Variants in GALNT18 observed in about 807,000 individuals in gnomAD.
GALNT18 encodes GalNAc-transferase 18.
GALNT18 carries 44 observed loss-of-function variants against 69.5 expected under a neutral mutation model. The observed-to-expected ratio is 0.63, with a 90% CI of 0.50 to 0.81. The LOEUF is 0.81. Among genes scored for constraint, GALNT18 ranks in the 40% least tolerant of loss-of-function variants. The probability of loss-of-function intolerance (pLI) is 0.00; values close to 1 mark genes in which losing one functional copy is unlikely to be tolerated. For synonymous variants in GALNT18, 364 were observed against 318.2 expected (o/e 1.14, Z -1.53); for missense variants, 715 against 810.0 (o/e 0.88, Z 1.42).
chr11:11,333,320 G>A (rs986597602), intron 7 of GALNT18, among the ~76,000 whole-genome samples: 3 of 152,050 alleles, frequency 2.0e-5, no homozygotes, highest in African/African-American at 7.2e-5. Context: ...AAAGTGCTAG[G>A]CTGTATTCTG....
At position 11,592,178 on chromosome 11, in the gene GALNT18, T is replaced by G. The variant is rs544859107; in HGVS notation, c.235+29181A>C. 2.0e-5 allele frequency among the ~76,000 whole-genome samples: 3 copies of G among 152,270 alleles called. No homozygotes were observed. The East Asian group carries it at 5.8e-4, about 29-fold the overall frequency. The stretch of plus-strand genomic sequence containing the variant: ...GGAGATTCCTATTTCTCTAAGCAAG[T>G]CCCTAGAAACATCATCAATCTGTCT... On this transcript the variant is annotated intron_variant, in intron 1 of 10. Coordinates refer to ENST00000227756, the MANE Select transcript of GALNT18 (RefSeq NM_198516.3). This position sits in a 1 kb window ranked among gnomAD's most constrained non-coding sequence, Gnocchi z 5.9.
intron 10 of GALNT18, among the ~76,000 whole-genome samples, chr11:11,282,812 T>A (rs1849110902): frequency 6.6e-6 from 1 of 152,168 alleles, no homozygotes; most frequent in Non-Finnish European, 1.5e-5. Context: ...TATCAGTGAC[T>A]AAACAGAAAA....
chr11:11,514,153 A>C (rs4641464), intron 1 of GALNT18, among the ~76,000 whole-genome samples: 89 of 152,174 alleles, frequency 5.8e-4, no homozygotes, highest in Middle Eastern at 3.4e-3. Flanking sequence ...ACATCACAGA[A>C]GAGGAAACTG....
rs1187320373 is a variant in GALNT18 at position 11,341,704 on chromosome 11, T to TGACC, written c.1093-704_1093-701dup. Among the ~76,000 whole-genome samples the TGACC allele has an allele frequency of 6.6e-6, 1 of 152,232 alleles. No homozygotes were observed. The highest frequency in any genetic ancestry group is 1.5e-5 in the Non-Finnish European group (1 of 68,038). ...CTCGCTACAATCTTTCCAGCCATCCTGACCTTTCAATGTTCCTGAACTTGC... is the reference window on the plus strand; with the variant it reads ...CTCGCTACAATCTTTCCAGCCATCCTGACCGACCTTTCAATGTTCCTGAACTTGC... On this transcript the variant is annotated intron_variant, in intron 6 of 10. Transcript: ENST00000227756. The surrounding 1 kb of genome is among the most constrained non-coding windows in gnomAD (Gnocchi z 6.3).
intron 3 of GALNT18, among the ~76,000 whole-genome samples, chr11:11,406,330 A>G (rs1397357809): frequency 3.3e-5 from 5 of 152,210 alleles, no homozygotes; most frequent in African/African-American, 1.2e-4. Context: ...GTCTGTTGTA[A>G]TGACTCAGCT....
intron 6 of GALNT18, among the ~76,000 whole-genome samples, chr11:11,363,069 T>C (rs764434136): frequency 6.6e-6 from 1 of 152,172 alleles, no homozygotes; most frequent in Non-Finnish European, 1.5e-5. Flanking sequence ...CTACCATTTA[T>C]CTAAGAAAGG....
chr11:11,374,215 G>A (rs10831606), intron 5 of GALNT18, among the ~76,000 whole-genome samples: 102,343 of 151,892 alleles, frequency 0.67, 34,995 homozygotes, highest in Middle Eastern at 0.85. Flanking sequence ...CTTCGAGGTA[G>A]TCTCTCTGGG....
At position 11,314,248 on chromosome 11, in the gene GALNT18, A is replaced by G. The variant is rs1849715400; in HGVS notation, c.1512+12838T>C. Among the ~76,000 whole-genome samples the G allele has an allele frequency of 6.6e-6, 1 of 152,170 alleles. No individual in the cohort carries two copies. Among genetic ancestry groups the G allele is most frequent in the African/African-American group, 2.4e-5 (1 of 41,446 alleles). On this transcript the variant is annotated intron_variant, in intron 9 of 10. Coordinates refer to ENST00000227756, the MANE Select transcript of GALNT18 (RefSeq NM_198516.3). The surrounding 1 kb of genome is among the most constrained non-coding windows in gnomAD (Gnocchi z 5.2). ...AACATTGGTCCACTGTGGAGCTGCT[A>G]ATGACTGCTTCTCCCCAGCCTGCAG...
chr11:11,379,303 G>C, intron 3 of GALNT18, 39 bp from the exon 4 acceptor site: 2 of 1,580,712 alleles, frequency 1.3e-6, no homozygotes, highest in African/African-American at 1.3e-5. Flanking sequence ...TGGGAGGGAG[G>C]TCAGGAGGCA....
intron 1 of GALNT18, among the ~76,000 whole-genome samples, chr11:11,477,270 C>T (rs554472415): frequency 1.3e-5 from 2 of 152,286 alleles, no homozygotes; most frequent in South Asian, 4.1e-4. Context: ...GCATGGGATC[C>T]CTCAATAAGC....
chr11:11,445,125 G>A (rs921464078), intron 2 of GALNT18, among the ~76,000 whole-genome samples: 13 of 152,192 alleles, frequency 8.5e-5, no homozygotes, highest in African/African-American at 2.7e-4. Flanking sequence ...TTGTTAAAGC[G>A]GGCCTGCCAC....
chr11:11,343,295 C>G (rs1011963546), intron 6 of GALNT18, among the ~76,000 whole-genome samples: 1 of 151,942 alleles, frequency 6.6e-6, no homozygotes, highest in Non-Finnish European at 1.5e-5. Flanking sequence ...CTGCAGTGAG[C>G]CCTGATGGTG....
At chr11:11,312,238 C>T (rs1364523492) in intron 9 of GALNT18, among the ~76,000 whole-genome samples, 1 of 152,150 alleles carries the variant, frequency 6.6e-6, no homozygotes, top group Non-Finnish European at 1.5e-5. Flanking sequence ...CGTGAGCCAC[C>T]ACGCCCGGCC....
At chr11:11,611,607 C>A (rs1364059637) in intron 1 of GALNT18, among the ~76,000 whole-genome samples, 1 of 152,140 alleles carries the variant, frequency 6.6e-6, no homozygotes, top group African/African-American at 2.4e-5. Context: ...CTTCCCTGGA[C>A]CTGGGACTTT....
At chr11:11,401,025 G>C (rs931116335) in intron 3 of GALNT18, among the ~76,000 whole-genome samples, 2 of 152,130 alleles carry the variant, frequency 1.3e-5, no homozygotes, top group African/African-American at 4.8e-5. Context: ...GCAGTGCTTG[G>C]ATACGGGACA....
chr11:11,403,388 A>G (rs1412490620), intron 3 of GALNT18, among the ~76,000 whole-genome samples: 1 of 152,216 alleles, frequency 6.6e-6, no homozygotes, highest in Non-Finnish European at 1.5e-5. Context: ...TCTACTCTGC[A>G]GTCACATCCA....
At chr11:11,381,766 G>A (rs1457642499) in intron 3 of GALNT18, among the ~76,000 whole-genome samples, 2 of 152,096 alleles carry the variant, frequency 1.3e-5, no homozygotes, top group South Asian at 2.1e-4. Flanking sequence ...AGCCCCAGTC[G>A]GGCCACCAGC....
At chr11:11,352,127 C>T in intron 6 of GALNT18, 1 of 1,613,586 alleles carries the variant, frequency 6.2e-7, no homozygotes, top group East Asian at 2.2e-5. Context: ...CCATTCGAGC[C>T]TGGTCCTTCA....
chr11:11,366,233 T>C (rs976706036), intron 6 of GALNT18, among the ~76,000 whole-genome samples: 2 of 152,220 alleles, frequency 1.3e-5, no homozygotes, highest in African/African-American at 4.8e-5. Context: ...CTTTTCTCTT[T>C]AAGTTAGGTT....
Sources: allele counts gnomAD v4.1 joint callset (sites outside exome capture counted in the v4.1 genomes callset), GRCh38; gene constraint gnomAD v4.1.1; non-coding constraint Gnocchi (gnomAD v3.1); transcripts MANE v1.5; gene names NCBI Gene and HGNC (gene_info 2026-07-23, HGNC 2026-07-21).